The following MYO18B variants were observed in gnomAD, a reference collection of about 807,000 sequenced individuals.
The protein encoded by MYO18B is unconventional myosin-XVIIIb.
Under a neutral mutation model 273.0 loss-of-function variants are expected in MYO18B, and 204 were observed. That is an observed-to-expected ratio of 0.75 (90% CI 0.67 to 0.84). MYO18B has a LOEUF of 0.84. MYO18B is among the 40% of genes least tolerant of loss of function. The pLI, the probability that MYO18B is intolerant of heterozygous loss-of-function variation, is 0.00. For synonymous variants in MYO18B, 1,330 were observed against 1,305.7 expected (o/e 1.02, Z -0.40); for missense variants, 3,212 against 3,287.6 (o/e 0.98, Z 0.56).
chr22:25,835,500 G>C, intron 17 of MYO18B, 57 bp downstream of exon 17: 1 of 1,604,490 alleles, frequency 6.2e-7, no homozygotes, highest in Non-Finnish European at 8.5e-7. Flanking sequence ...ATTAGAATCT[G>C]TTCTTCTCTG....
chr22:26,030,134 G>C (rs1037864715), intron 43 of MYO18B, among the ~76,000 whole-genome samples: 1 of 152,212 alleles, frequency 6.6e-6, no homozygotes, highest in Non-Finnish European at 1.5e-5. Flanking sequence ...TCTTTGGGAG[G>C]CTGAGGCAGG....
At chr22:26,031,474 C>T (rs1936665307), downstream of MYO18B, among the ~76,000 whole-genome samples, 1 of 152,188 alleles carries the variant, frequency 6.6e-6, no homozygotes, top group Non-Finnish European at 1.5e-5. Flanking sequence ...ATCTTCTGTT[C>T]ATGTCTGTAT....
At chr22:25,916,556 G>A (rs889728851) in intron 33 of MYO18B, among the ~76,000 whole-genome samples, 2 of 152,112 alleles carry the variant, frequency 1.3e-5, no homozygotes, top group Non-Finnish European at 1.5e-5. Flanking sequence ...CTTTTAACCT[G>A]TAAGTTATCT....
chr22:25,835,397 C>G lies in MYO18B; in HGVS notation c.3162C>G (p.Leu1054=). 6.2e-7 allele frequency: 1 copy of G among 1,613,890 alleles called. No individual in the cohort carries two copies. Among genetic ancestry groups the G allele is most frequent in the Non-Finnish European group, 8.5e-7 (1 of 1,179,884 alleles). Reference sequence around the variant, plus strand: ...AGGGCTCCAGTGACAGTGTGGTGCTCGAGCGTCTGTGTGCTGCTTTCGAGA... The same window carrying G: ...AGGGCTCCAGTGACAGTGTGGTGCTGGAGCGTCTGTGTGCTGCTTTCGAGA... The part of the protein sequence containing the change: ...HVEGSSDSVV[L]ERLCAAFEKK... The change falls in exon 17 of 44, where the codon CTC becomes CTG. Residue 1054 remains leucine (L), a synonymous_variant. Transcript: ENST00000335473.
chr22:25,913,832 C>T (rs2092208323), intron 33 of MYO18B, among the ~76,000 whole-genome samples: 1 of 152,148 alleles, frequency 6.6e-6, no homozygotes, highest in African/African-American at 2.4e-5. Flanking sequence ...TTTATAATGT[C>T]CTTAGCTTAA....
intron 2 of MYO18B, among the ~76,000 whole-genome samples, chr22:25,761,709 G>A (rs1033197365): frequency 1.3e-5 from 2 of 152,154 alleles, no homozygotes; most frequent in Admixed American, 6.5e-5. Flanking sequence ...TTGATGAGTT[G>A]GAGGTGGGAG....
intron 31 of MYO18B, 104 bp from the exon 32 acceptor site, chr22:25,908,218 G>A (rs994001799): frequency 3.4e-6 from 3 of 870,066 alleles, no homozygotes; most frequent in Non-Finnish European, 5.6e-6. Context: ...TCTCATTTAT[G>A]TATTCCAAAA....
In MYO18B at chr22:25,827,386, G is replaced by A. The variant is rs138565779; in HGVS notation, c.2786+887G>A. Among the ~76,000 whole-genome samples the A allele has an allele frequency of 6.8e-4, 103 of 152,318 alleles. 1 individual carries two copies. Among genetic ancestry groups the A allele is most frequent in the African/African-American group, 2.4e-3 (100 of 41,574 alleles). On this transcript the variant is annotated intron_variant, in intron 14 of 43. Coordinates refer to ENST00000335473, the MANE Select transcript of MYO18B (RefSeq NM_032608.7). ...GCAACATGGTAGAAATTTGGAGTGG[G>A]CTGGGGTGTGCCTCTGATGTGTGTC...
At chr22:25,764,750 G>C (rs375446146) in intron 3 of MYO18B, among the ~76,000 whole-genome samples, 3 of 152,220 alleles carry the variant, frequency 2.0e-5, no homozygotes, top group East Asian at 3.9e-4. Flanking sequence ...GCTGTTGTTA[G>C]GTTATGATGA....
chr22:26,058,673 G>C, the MYO18B span, among the ~76,000 whole-genome samples: 24 of 152,108 alleles, frequency 1.6e-4, no homozygotes, highest in African/African-American at 5.8e-4. Context: ...TGCAAGCGCT[G>C]GTTGTTAAAA....
intron 7 of MYO18B, among the ~76,000 whole-genome samples, chr22:25,773,412 G>A (rs111288997): frequency 0.015 from 2,292 of 152,248 alleles, 53 homozygotes; most frequent in African/African-American, 0.051. Flanking sequence ...AGTTCTCAGG[G>A]TGATGATTCT....
rs2285195 is a variant in MYO18B at position 25,881,540 on chromosome 22, C to G, written c.4314+3492C>G. 2.9e-3 allele frequency among the ~76,000 whole-genome samples: 434 copies of G among 152,262 alleles called. 13 individuals are homozygous for G. The East Asian group carries it at 0.061, about 21-fold the overall frequency. The stretch of plus-strand genomic sequence containing the variant: ...AGGGACTTCCCTGTAGAAATTCCTT[C>G]CCACCGAGCTGACATTTGAAGCAGT... On this transcript the variant is annotated intron_variant, in intron 25 of 43. Transcript: ENST00000335473.
rs930362376 is a variant in MYO18B, at chr22:25,849,970, A to G, written c.3776-1500A>G. Among the ~76,000 whole-genome samples the G allele has an allele frequency of 2.0e-5, 3 of 152,196 alleles. No homozygotes were observed. In the East Asian group the frequency reaches 5.8e-4, roughly 29 times the overall value. ...GAAGAAATTGAATCTCAGAAAGGTG[A>G]ATCAGTTGTCCCAGTCATGGGGCTC... On this transcript the variant is annotated intron_variant, in intron 20 of 43. Transcript: ENST00000335473.
intron 2 of MYO18B, among the ~76,000 whole-genome samples, chr22:25,762,344 A>G (rs2146597215): frequency 6.6e-6 from 1 of 152,244 alleles, no homozygotes; most frequent in East Asian, 1.9e-4. Flanking sequence ...TCTTTACCAT[A>G]CATGCACAGA....
At chr22:25,819,338 G>T (rs118161970) in intron 12 of MYO18B, among the ~76,000 whole-genome samples, 4,710 of 152,258 alleles carry the variant, frequency 0.031, 139 homozygotes, top group East Asian at 0.12. Flanking sequence ...ACTTCTCCCA[G>T]CTCGTTGAGG....
In MYO18B at chr22:25,911,022, A is replaced by G. The variant is rs781479503; in HGVS notation, c.5336A>G (p.Glu1779Gly). Residue 1779 changes from glutamate (E) to glycine (G), a missense_variant, in exon 33 of 44, where the codon GAA becomes GGA. Physicochemically the swap from Glu to Gly is moderately conservative, Grantham distance 98. Transcript: ENST00000335473. ...GTCCTCCATGAGAAGCAAGATTTGG[A>G]AGGCTTGATCGGAACCCTCTGTGAC... The part of the protein sequence containing the change: ...QMVLHEKQDL[E>G]GLIGTLCDQI... 1.8e-5 allele frequency: 29 copies of G among 1,605,896 alleles called. No individual in the cohort carries two copies. Among genetic ancestry groups the G allele is most frequent in the Non-Finnish European group, 2.4e-5 (28 of 1,176,438 alleles).
chr22:25,948,459 C>CTTCCTTCCTTCTTTCT (rs1442898869), intron 36 of MYO18B, among the ~76,000 whole-genome samples: 1 of 67,636 alleles, frequency 1.5e-5, no homozygotes, highest in African/African-American at 5.4e-5. Flanking sequence ...TCCTTCCTTC[C>CTTCCTTCCTTCTTTCT]TTCTTTCTTT....
At chr22:25,985,571 A>G (rs533356902) in intron 39 of MYO18B, among the ~76,000 whole-genome samples, 54 of 151,910 alleles carry the variant, frequency 3.6e-4, no homozygotes, top group Non-Finnish European at 4.7e-4. Context: ...GCTGATGCTC[A>G]CTCCATTACC....
At chr22:25,831,197 G>C (rs1275846832) in intron 15 of MYO18B, among the ~76,000 whole-genome samples, 2 of 152,026 alleles carry the variant, frequency 1.3e-5, no homozygotes, top group Non-Finnish European at 1.5e-5. Flanking sequence ...TTTCCTCACA[G>C]TATTACATTA....
Sources: gnomAD v4.1 joint callset for allele counts (sites outside exome capture counted in the v4.1 genomes callset) on GRCh38, gnomAD v4.1.1 for gene constraint, MANE v1.5 for transcripts, NCBI Gene and HGNC (gene_info 2026-07-23, HGNC 2026-07-21) for gene names.